Variants in SREBF2 observed in about 807,000 individuals in gnomAD.
SREBF2 encodes sterol regulatory element binding transcription factor 2.
A neutral mutation model predicts 113.1 loss-of-function variants in SREBF2; 55 were observed. That is an observed-to-expected ratio of 0.49 (90% CI 0.39 to 0.61). The LOEUF is 0.61. Ranked by LOEUF, SREBF2 falls within the 20% of genes least tolerant of loss-of-function variation. SREBF2 has a pLI of 0.00. For missense variants in SREBF2, 1,349 were observed against 1,487.4 expected (o/e 0.91, Z 1.53); for synonymous variants, 593 against 605.7 (o/e 0.98, Z 0.31).
At chr22:41,869,632 T>A (rs1398786870) in intron 3 of SREBF2, among the ~76,000 whole-genome samples, 1 of 149,320 alleles carries the variant, frequency 6.7e-6, no homozygotes, top group Non-Finnish European at 1.5e-5. Flanking sequence ...TACAAGCACC[T>A]GCCACTGCAC....
At chr22:41,859,122 CAA>C (rs557219254) in intron 1 of SREBF2, among the ~76,000 whole-genome samples, 9 of 80,248 alleles carry the variant, frequency 1.1e-4, no homozygotes, top group Admixed American at 4.2e-4. Flanking sequence ...GACTCCGTCT[CAA>C]AAAAAAAAAA....
intron 1 of SREBF2, among the ~76,000 whole-genome samples, chr22:41,838,952 C>G (rs573243897): frequency 1.9e-4 from 29 of 152,194 alleles, no homozygotes; most frequent in African/African-American, 6.3e-4. Context: ...ACAGAGTACC[C>G]TGCAGTACCT....
chr22:41,905,084 C>T (rs546016997), intron 18 of SREBF2, 110 bp downstream of exon 18: 2 of 1,026,068 alleles, frequency 1.9e-6, no homozygotes, highest in South Asian at 2.9e-5. Context: ...GCCCAGCACA[C>T]CTCTCGCCTC....
chr22:41,851,927 T>C (rs1376868185), intron 1 of SREBF2, among the ~76,000 whole-genome samples: 2 of 151,890 alleles, frequency 1.3e-5, no homozygotes, highest in Non-Finnish European at 2.9e-5. Context: ...AAGACCATCC[T>C]GGCTAACACG....
chr22:41,868,758 A>C lies in SREBF2; in HGVS notation c.686A>C (p.Gln229Pro). The C allele has an allele frequency of 6.2e-7, 1 of 1,613,814 alleles. No individual in the cohort carries two copies. The highest frequency in any genetic ancestry group is 1.7e-5 in the Admixed American group (1 of 59,950). The change falls in exon 3 of 19, where the codon CAG (glutamine) becomes CCG (proline). Residue 229 changes from glutamine (Q) to proline (P), a missense_variant. Physicochemically the swap from Gln to Pro is moderately conservative, Grantham distance 76. Transcript: ENST00000361204. Reference protein sequence around the residue: ...TLQTLAPATVQTVAAPQVQQV... With the variant: ...TLQTLAPATVPTVAAPQVQQV... The stretch of plus-strand genomic sequence containing the variant: ...CAGACCCTTGCCCCGGCTACGGTGC[A>C]GACAGTTGCTGCGCCACAGGTGCAG...
rs1454232666 is a variant in SREBF2 at position 41,867,032 on chromosome 22, T to C, written c.290T>C (p.Leu97Ser). ...CAACGGTCATTCACCCAGGTCACAT[T>C]ACCTTCCTTCTCTCCCTCGGCGGCC... The part of the protein sequence containing the change: ...SVQRSFTQVT[L>S]PSFSPSAASP... The change falls in exon 2 of 19, where the codon TTA (leucine) becomes TCA (serine). Residue 97 changes from leucine (L) to serine (S), a missense_variant. By Grantham distance (145) the Leu-to-Ser change is moderately radical. Transcript: ENST00000361204. 2 of 1,614,142 alleles carry C rather than the reference T, an allele frequency of 1.2e-6. No individual in the cohort carries two copies. The highest frequency in any genetic ancestry group is 4.5e-5 in the East Asian group (2 of 44,886).
At chr22:41,862,825 A>T (rs1035751716) in intron 1 of SREBF2, among the ~76,000 whole-genome samples, 4 of 152,164 alleles carry the variant, frequency 2.6e-5, no homozygotes, top group African/African-American at 7.2e-5. Context: ...TGTGCCACTC[A>T]GCCCAGTACC....
chr22:41,898,875 G>T, intron 15 of SREBF2, 94 bp downstream of exon 15: 1 of 1,544,842 alleles, frequency 6.5e-7, no homozygotes, highest in Non-Finnish European at 8.8e-7. Flanking sequence ...GCGTGTTGGG[G>T]TGAAGGGTCA....
intron 5 of SREBF2, among the ~76,000 whole-genome samples, chr22:41,874,768 G>C (rs886519253): frequency 1.3e-5 from 2 of 152,116 alleles, no homozygotes; most frequent in Admixed American, 6.6e-5. Context: ...TTAGCCGGGC[G>C]TGCTGGCAGG....
intron 1 of SREBF2, among the ~76,000 whole-genome samples, chr22:41,866,594 G>T (rs1260237423): frequency 6.6e-6 from 1 of 152,078 alleles, no homozygotes; most frequent in Non-Finnish European, 1.5e-5. Context: ...GGGCCTGGAG[G>T]TGAGTGTGAG....
intron 1 of SREBF2, among the ~76,000 whole-genome samples, chr22:41,838,447 T>C (rs188658529): frequency 6.6e-6 from 1 of 151,050 alleles, no homozygotes; most frequent in East Asian, 1.9e-4. Context: ...AAAATTGAAT[T>C]GTGGGCTGGG....
chr22:41,874,543 G>C lies in SREBF2; in HGVS notation c.1089+524G>C, dbSNP rs192489032. 1.2e-3 allele frequency among the ~76,000 whole-genome samples: 181 copies of C among 152,282 alleles called. 1 individual carries two copies. Among genetic ancestry groups the C allele is most frequent in the South Asian group, 8.1e-3 (39 of 4,824 alleles). The stretch of plus-strand genomic sequence containing the variant: ...CCTATCTATGTTTAAACCCTATTTT[G>C]AAAGAAAATTTCATTTTCCTTGCCT... On this transcript the variant is annotated intron_variant, in intron 5 of 18. Coordinates refer to ENST00000361204, the MANE Select transcript of SREBF2 (RefSeq NM_004599.4).
intron 1 of SREBF2, among the ~76,000 whole-genome samples, chr22:41,851,024 A>T (rs2076924360): frequency 6.6e-6 from 1 of 152,182 alleles, no homozygotes; most frequent in Non-Finnish European, 1.5e-5. Context: ...TACAGGCGTG[A>T]GCCACCAAGC....
chr22:41,905,665 C>G lies in SREBF2; in HGVS notation c.*5C>G, dbSNP rs780145640. 3.2e-5 allele frequency: 50 copies of G among 1,568,386 alleles called. No individual in the cohort carries two copies. The highest frequency in any genetic ancestry group is 4.2e-5 in the Non-Finnish European group (49 of 1,157,094). The stretch of plus-strand genomic sequence containing the variant: ...ACTGCCATTGCCGCCTCCTGACCAC[C>G]AGGCTCAGCCCACCCCTCCACCTCT... On this transcript the variant is annotated 3_prime_UTR_variant, in exon 19 of 19. Coordinates refer to ENST00000361204, the MANE Select transcript of SREBF2 (RefSeq NM_004599.4).
Position 41,875,574 on chromosome 22 carries a change from G to T in SREBF2, c.1236G>T (p.Leu412=), listed in dbSNP as rs763599882. ...TAAAGGGCATCGACCTAGGCAGTCT[G>T]GTGGACAATGAGGTGGACCTGAAGA... ...KLLKGIDLGS[L]VDNEVDLKIE... The change falls in exon 7 of 19, where the codon CTG becomes CTT. Residue 412 remains leucine (L), a synonymous_variant. Transcript: ENST00000361204. The T allele has an allele frequency of 1.9e-6, 3 of 1,614,228 alleles. No homozygotes were observed. The highest frequency in any genetic ancestry group is 2.5e-6 in the Non-Finnish European group (3 of 1,180,048).
intron 1 of SREBF2, among the ~76,000 whole-genome samples, chr22:41,860,241 GA>G (rs11343843): frequency 0.12 from 16,044 of 129,884 alleles, 1,460 homozygotes; most frequent in African/African-American, 0.28. Context: ...TTAAATCAGT[GA>G]AAAAAAAAAA....
At chr22:41,841,753 C>T (rs1222345847) in intron 1 of SREBF2, among the ~76,000 whole-genome samples, 1 of 152,174 alleles carries the variant, frequency 6.6e-6, no homozygotes, top group East Asian at 1.9e-4. Context: ...TGTCCGTATC[C>T]TTCTGGATTC....
chr22:41,870,628 C>CAAA lies in SREBF2; in HGVS notation c.721-240_721-238dup, dbSNP rs133289. Among the ~76,000 whole-genome samples the CAAA allele has an allele frequency of 2.2e-3, 122 of 55,952 alleles. 2 individuals carry two copies. The highest frequency in any genetic ancestry group is 3.0e-3 in the Non-Finnish European group (90 of 30,144). 36.7% of individuals were successfully genotyped at this position (55,952 alleles called of 152,430 possible). A position where few individuals can be genotyped will look rare whatever the true frequency, so the allele number is the denominator to read the frequency against. On this transcript the variant is annotated intron_variant, in intron 3 of 18. Transcript: ENST00000361204. ...GCAACAGAGAGCAACCCTGTCTCAGCAAAAAAAAAAAAAAAAAAAAAAAGC... is the reference window on the plus strand; with the variant it reads ...GCAACAGAGAGCAACCCTGTCTCAGCAAAAAAAAAAAAAAAAAAAAAAAAAAGC...
At chr22:41,863,038 C>T (rs2077040765) in intron 1 of SREBF2, among the ~76,000 whole-genome samples, 1 of 152,144 alleles carries the variant, frequency 6.6e-6, no homozygotes, top group African/African-American at 2.4e-5. Flanking sequence ...GAGTACTTGA[C>T]AAAATGAGAT....
Sources: allele counts gnomAD v4.1 joint callset (sites outside exome capture counted in the v4.1 genomes callset), GRCh38; gene constraint gnomAD v4.1.1; transcripts MANE v1.5; gene names NCBI Gene and HGNC (gene_info 2026-07-23, HGNC 2026-07-21).